EPB41L4A: variants seen among roughly 807,000 people sequenced by gnomAD.
The protein encoded by EPB41L4A is band 4.1-like protein 4A.
Under a neutral mutation model 108.6 loss-of-function variants are expected in EPB41L4A, and 100 were observed. That is an observed-to-expected ratio of 0.92 (90% CI 0.78 to 1.09). The LOEUF (loss-of-function observed/expected upper bound fraction) is 1.09. Ranked by LOEUF, EPB41L4A falls within the 50% of genes least tolerant of loss-of-function variation. The pLI is 0.00. For missense variants in EPB41L4A, 1,030 were observed against 842.7 expected (o/e 1.22, Z -2.75); for synonymous variants, 319 against 289.0 (o/e 1.10, Z -1.05).
intron 1 of EPB41L4A, among the ~76,000 whole-genome samples, chr5:112,362,864 T>C (rs796785256): frequency 2.6e-5 from 4 of 152,334 alleles, no homozygotes; most frequent in African/African-American, 9.6e-5. Flanking sequence ...TGGCTTATGA[T>C]GTTTCCTAAA....
chr5:112,297,790 C>T lies in EPB41L4A; in HGVS notation c.204+9596G>A, dbSNP rs76898558. The stretch of plus-strand genomic sequence containing the variant: ...AGTCTTAATGATTTAGGACTTAAAT[C>T]TAAGTCCTTGATCCATCTTGAGTTG... On this transcript the variant is annotated intron_variant, in intron 2 of 22. Coordinates refer to ENST00000261486, the MANE Select transcript of EPB41L4A (RefSeq NM_022140.5). 8.2e-3 allele frequency among the ~76,000 whole-genome samples: 1,247 copies of T among 152,128 alleles called. 23 individuals carry two copies. Among genetic ancestry groups the T allele is most frequent in the African/African-American group, 0.028 (1,167 of 41,516 alleles).
chr5:112,304,722 A>G (rs76246911), intron 2 of EPB41L4A, among the ~76,000 whole-genome samples: 3,214 of 152,246 alleles, frequency 0.021, 123 homozygotes, highest in African/African-American at 0.072. Flanking sequence ...TTCAACAGGA[A>G]AGGCCTTTTA....
intron 1 of EPB41L4A, among the ~76,000 whole-genome samples, chr5:112,324,720 T>TAAAAA (rs60242363): frequency 9.8e-6 from 1 of 101,754 alleles, no homozygotes; most frequent in Non-Finnish European, 2.1e-5. Flanking sequence ...AGAGTCTGTC[T>TAAAAA]AAAAAAAAAA....
intron 15 of EPB41L4A, among the ~76,000 whole-genome samples, chr5:112,197,180 T>C (rs928021274): frequency 6.6e-6 from 1 of 152,178 alleles, no homozygotes; most frequent in Non-Finnish European, 1.5e-5. Context: ...TTCAAGACTC[T>C]ACTGTTTAAA....
At chr5:112,390,560 G>A (rs888578930) in intron 1 of EPB41L4A, among the ~76,000 whole-genome samples, 2 of 152,192 alleles carry the variant, frequency 1.3e-5, no homozygotes, top group Non-Finnish European at 2.9e-5. Flanking sequence ...AAACTGGGTG[G>A]AGCTCACTGC....
At chr5:112,365,001 A>G (rs1759034204) in intron 1 of EPB41L4A, among the ~76,000 whole-genome samples, 1 of 152,226 alleles carries the variant, frequency 6.6e-6, no homozygotes, top group African/African-American at 2.4e-5. Flanking sequence ...AATTAATAAA[A>G]GATACCTATT....
chr5:112,147,075 C>T (rs1759286408), intron 12 of EPB41L4A, among the ~76,000 whole-genome samples: 1 of 152,124 alleles, frequency 6.6e-6, no homozygotes, highest in African/African-American at 2.4e-5. Flanking sequence ...GTGTAATGTG[C>T]TGCTCTAAAT....
intron 1 of EPB41L4A, among the ~76,000 whole-genome samples, chr5:112,373,094 T>A (rs1272107278): frequency 6.6e-6 from 1 of 152,168 alleles, no homozygotes; most frequent in Non-Finnish European, 1.5e-5. Flanking sequence ...GGAATACAGA[T>A]CCCCACACTG....
intron 18 of EPB41L4A, among the ~76,000 whole-genome samples, chr5:112,171,394 A>G (rs1224374585): frequency 6.6e-6 from 1 of 152,248 alleles, no homozygotes; most frequent in African/African-American, 2.4e-5. Flanking sequence ...ATCTGTGATT[A>G]CCTAGGAGAA....
intron 7 of EPB41L4A, 33 bp from the exon 8 acceptor site, chr5:112,260,012 ATTC>A: frequency 7.1e-7 from 1 of 1,403,424 alleles, no homozygotes; most frequent in Middle Eastern, 1.8e-4. Context: ...ATAACCACAT[ATTC>A]ACATAAAATC....
At position 112,164,287 on chromosome 5, in the gene EPB41L4A, A is replaced by C. The variant is rs1760095757; in HGVS notation, c.*703T>G. ...ATATGCAGTCTGAAAGTGATGCCTC[A>C]GTCCTTTTGCATCTGGGCACTAGTT... On this transcript the variant is annotated 3_prime_UTR_variant, in exon 23 of 23. Coordinates refer to ENST00000261486, the MANE Select transcript of EPB41L4A (RefSeq NM_022140.5). The C allele has an allele frequency of 6.6e-6, 1 of 152,264 alleles. No individual in the cohort carries two copies. The highest frequency in any genetic ancestry group is 2.4e-5 in the African/African-American group (1 of 41,472). 9.4% of individuals were successfully genotyped at this position (152,264 alleles called of 1,614,324 possible). A position where few individuals can be genotyped will look rare whatever the true frequency, so the allele number is the denominator to read the frequency against.
intron 1 of EPB41L4A, among the ~76,000 whole-genome samples, chr5:112,317,011 G>C (rs1755469618): frequency 6.6e-6 from 1 of 152,200 alleles, no homozygotes; most frequent in Non-Finnish European, 1.5e-5. Flanking sequence ...CACAGCATCA[G>C]TCTTGCTACA....
chr5:112,151,030 G>T (rs1180978954), intron 12 of EPB41L4A, among the ~76,000 whole-genome samples: 1 of 152,116 alleles, frequency 6.6e-6, no homozygotes, highest in Non-Finnish European at 1.5e-5. Flanking sequence ...TCTGGGGAGG[G>T]ATCTGAGATT....
chr5:112,173,660 T>C (rs1243349021), intron 18 of EPB41L4A: 1 of 149,646 alleles, frequency 6.7e-6, no homozygotes, highest in South Asian at 2.1e-4. Flanking sequence ...TTTTTTTTTT[T>C]TGAGAGAGAG....
downstream of EPB41L4A, chr5:112,161,516 T>G (rs532067110): frequency 2.7e-5 from 14 of 519,058 alleles, no homozygotes; most frequent in Non-Finnish European, 5.4e-5. Flanking sequence ...CTTTGGAAAC[T>G]AGTGAATGTG....
rs760354049 is a variant in EPB41L4A at position 112,262,510 on chromosome 5, T to G, written c.626A>C (p.Asp209Ala). The change falls in exon 7 of 23, where the codon GAC (aspartate) becomes GCC (alanine). Residue 209 changes from aspartate (D) to alanine (A), a missense_variant. Coordinates refer to ENST00000261486, the MANE Select transcript of EPB41L4A (RefSeq NM_022140.5). ...TAKSLEMYGV[D>A]LHPVYGENKS... is the part of the protein sequence containing the mutation. ...GTTACTCACATAGACGGGATGGAGG[T>G]CAACGCCATACATCTCCAGGGATTT... 3.7e-6 allele frequency: 6 copies of G among 1,613,722 alleles called. No homozygotes were observed. In the East Asian group the frequency reaches 8.9e-5, roughly 24 times the overall value.
chr5:112,261,039 T>C (rs1483890394), intron 7 of EPB41L4A, among the ~76,000 whole-genome samples: 2 of 151,538 alleles, frequency 1.3e-5, no homozygotes, highest in Non-Finnish European at 1.5e-5. Context: ...AAATTTCCTA[T>C]GGAAAGTTTT....
chr5:112,336,641 C>T (rs546089823), intron 1 of EPB41L4A, among the ~76,000 whole-genome samples: 14 of 152,184 alleles, frequency 9.2e-5, no homozygotes, highest in Admixed American at 6.5e-4. Flanking sequence ...AAATGCAAAA[C>T]CAAAAAGTTA....
At position 112,393,588 on chromosome 5, in the gene EPB41L4A, A is replaced by G. The variant is rs372827737; in HGVS notation, c.99+25353T>C. Among the ~76,000 whole-genome samples, 4 of 152,232 alleles carry G rather than the reference A, an allele frequency of 2.6e-5. No individual in the cohort carries two copies. The South Asian group carries it at 6.2e-4, about 24-fold the overall frequency. Reference sequence around the variant, plus strand: ...GACCAATAACAGGCTCTGAAATTGAAGCAATAATTAATAACCTATCAACCA... The same window carrying G: ...GACCAATAACAGGCTCTGAAATTGAGGCAATAATTAATAACCTATCAACCA... On this transcript the variant is annotated intron_variant, in intron 1 of 22. Coordinates refer to ENST00000261486, the MANE Select transcript of EPB41L4A (RefSeq NM_022140.5).
Sources: gnomAD v4.1 joint callset for allele counts (sites outside exome capture counted in the v4.1 genomes callset) on GRCh38, gnomAD v4.1.1 for gene constraint, MANE v1.5 for transcripts, NCBI Gene and HGNC (gene_info 2026-07-23, HGNC 2026-07-21) for gene names.